Variants in GALNT13 observed in about 807,000 individuals in gnomAD.
The protein encoded by GALNT13 is polypeptide N-acetylgalactosaminyltransferase 13.
GALNT13 carries 28 observed loss-of-function variants against 64.2 expected under a neutral mutation model. The observed-to-expected ratio is 0.44, with a 90% CI of 0.32 to 0.60. GALNT13 has a LOEUF of 0.60. Ranked by LOEUF, GALNT13 falls within the 20% of genes least tolerant of loss-of-function variation. The pLI is 0.05. For synonymous variants in GALNT13, 214 were observed against 224.6 expected (o/e 0.95, Z 0.42); for missense variants, 577 against 669.8 (o/e 0.86, Z 1.53).
chr2:154,000,640 G>A (rs72866886), intron 3 of GALNT13, among the ~76,000 whole-genome samples: 6 of 151,828 alleles, frequency 4.0e-5, no homozygotes, highest in East Asian at 3.9e-4. Flanking sequence ...TTCTACTGTC[G>A]TGAGAAAATA....
the GALNT13 span, among the ~76,000 whole-genome samples, chr2:153,331,128 T>C: frequency 5.3e-5 from 8 of 152,284 alleles, no homozygotes; most frequent in African/African-American, 1.9e-4. Context: ...GAAGCCTACA[T>C]GATCATGTTG....
chr2:154,076,589 C>T (rs1701001348), intron 3 of GALNT13, among the ~76,000 whole-genome samples: 1 of 151,584 alleles, frequency 6.6e-6, no homozygotes, highest in Admixed American at 6.6e-5. Context: ...AAAAAGTTAC[C>T]TAGCACCTCA....
chr2:154,207,028 A>G (rs1687498124), intron 4 of GALNT13, among the ~76,000 whole-genome samples: 1 of 152,128 alleles, frequency 6.6e-6, no homozygotes. Context: ...TGTTGTCTGC[A>G]TTAAATCCAT....
chr2:153,954,799 A>G (rs1692448813), intron 3 of GALNT13, among the ~76,000 whole-genome samples: 1 of 152,102 alleles, frequency 6.6e-6, no homozygotes, highest in African/African-American at 2.4e-5. Context: ...AACCTCTGCA[A>G]GGACTCACAG....
the GALNT13 span, among the ~76,000 whole-genome samples, chr2:153,403,939 A>G: frequency 4.6e-5 from 7 of 152,194 alleles, no homozygotes; most frequent in Admixed American, 3.3e-4. Context: ...CTATTCGGCC[A>G]TCTTGGCTCC....
chr2:154,079,089 T>C (rs1473702199), intron 3 of GALNT13, among the ~76,000 whole-genome samples: 1 of 151,658 alleles, frequency 6.6e-6, no homozygotes, highest in Non-Finnish European at 1.5e-5. Context: ...GTACACATAT[T>C]CAAAGCTGGG....
At chr2:154,246,042 T>C in intron 7 of GALNT13, 60 bp downstream of exon 7, 2 of 1,148,320 alleles carry the variant, frequency 1.7e-6, no homozygotes, top group South Asian at 1.6e-5. Flanking sequence ...AGGAATATTA[T>C]AGATTTCTGT....
At chr2:153,235,513 A>T in the GALNT13 span, among the ~76,000 whole-genome samples, 51,749 of 151,866 alleles carry the variant, frequency 0.34, 8,966 homozygotes, top group Middle Eastern at 0.49. Flanking sequence ...TGTGGCTGTA[A>T]ATGCTAGTAC....
chr2:153,849,056 C>T, the GALNT13 span, among the ~76,000 whole-genome samples: 9 of 151,816 alleles, frequency 5.9e-5, no homozygotes, highest in Admixed American at 4.6e-4. Flanking sequence ...ATATAATTAG[C>T]AATCCAAATT....
chr2:154,401,510 A>C (rs1035161718), intron 10 of GALNT13, among the ~76,000 whole-genome samples: 10 of 152,128 alleles, frequency 6.6e-5, no homozygotes, highest in African/African-American at 2.4e-4. Context: ...AGAATATGTC[A>C]CCCTTTATTG....
chr2:154,032,864 C>T (rs1381340342), intron 3 of GALNT13, among the ~76,000 whole-genome samples: 24 of 110,074 alleles, frequency 2.2e-4, no homozygotes, highest in Non-Finnish European at 2.5e-4. Flanking sequence ...CCTACATTTC[C>T]TTTTTTTTTT....
chr2:153,304,921 G>A, the GALNT13 span, among the ~76,000 whole-genome samples: 1 of 152,188 alleles, frequency 6.6e-6, no homozygotes, highest in Non-Finnish European at 1.5e-5. Flanking sequence ...TGTGGAGAAA[G>A]TTGTAGTGGG....
intron 8 of GALNT13, among the ~76,000 whole-genome samples, chr2:154,283,564 C>T (rs1013127970): frequency 9.8e-5 from 13 of 132,754 alleles, no homozygotes; most frequent in Middle Eastern, 3.8e-3. Context: ...GGCGACAGAG[C>T]GAGACTCCGT....
At chr2:153,515,426 C>G in the GALNT13 span, among the ~76,000 whole-genome samples, 1 of 152,154 alleles carries the variant, frequency 6.6e-6, no homozygotes, top group Non-Finnish European at 1.5e-5. Context: ...TGCGAAATTC[C>G]TAGAATATGT....
chr2:153,214,492 T>C, the GALNT13 span, among the ~76,000 whole-genome samples: 1 of 152,166 alleles, frequency 6.6e-6, no homozygotes, highest in Non-Finnish European at 1.5e-5. Flanking sequence ...TCAAGTGCTG[T>C]GAAAAACAGA....
chr2:153,550,879 C>T, the GALNT13 span, among the ~76,000 whole-genome samples: 3 of 152,034 alleles, frequency 2.0e-5, no homozygotes, highest in Admixed American at 2.0e-4. Context: ...GCAAAAAATT[C>T]CTGCCTTTAT....
At chr2:153,971,353 A>G (rs1410931503) in intron 3 of GALNT13, among the ~76,000 whole-genome samples, 4 of 151,996 alleles carry the variant, frequency 2.6e-5, no homozygotes, top group African/African-American at 4.8e-5. Context: ...ACTTATTTAC[A>G]TTCTTTCTTT....
the GALNT13 span, among the ~76,000 whole-genome samples, chr2:153,749,713 C>G: frequency 3.3e-5 from 5 of 151,760 alleles, no homozygotes; most frequent in African/African-American, 4.8e-5. Context: ...GCGAGTTTTT[C>G]AATTCTAATG....
At chr2:153,320,201 C>T in the GALNT13 span, among the ~76,000 whole-genome samples, 1 of 152,112 alleles carries the variant, frequency 6.6e-6, no homozygotes, top group Non-Finnish European at 1.5e-5. Flanking sequence ...CTTTTCTTTA[C>T]GTAGTTGTAT....
Sources: allele counts gnomAD v4.1 joint callset (sites outside exome capture counted in the v4.1 genomes callset), GRCh38; gene constraint gnomAD v4.1.1; transcripts MANE v1.5; gene names NCBI Gene and HGNC (gene_info 2026-07-23, HGNC 2026-07-21).